MEIKIN: variants seen among roughly 807,000 people sequenced by gnomAD.
MEIKIN encodes meiosis-specific kinetochore protein.
intron 12 of MEIKIN, among the ~76,000 whole-genome samples, chr5:131,818,255 C>A (rs544897388): frequency 6.6e-6 from 1 of 152,190 alleles, no homozygotes; most frequent in African/African-American, 2.4e-5. Flanking sequence ...AATAATGCTA[C>A]TAAAATTGAA....
intron 9 of MEIKIN, among the ~76,000 whole-genome samples, chr5:131,855,325 T>C (rs1561733756): frequency 1.3e-5 from 2 of 152,318 alleles, no homozygotes; most frequent in East Asian, 1.9e-4. Flanking sequence ...TGTATATAGA[T>C]ACTTTCATTT....
At chr5:131,839,973 T>C (rs995981101) in intron 11 of MEIKIN, among the ~76,000 whole-genome samples, 9 of 152,258 alleles carry the variant, frequency 5.9e-5, no homozygotes, top group African/African-American at 1.2e-4. Context: ...GTGTGTTTCA[T>C]AGTGGCTGGT....
At chr5:131,807,382 GC>G (rs1360937647) in intron 12 of MEIKIN, 124 bp from the exon 13 acceptor site, 3 of 393,678 alleles carry the variant, frequency 7.6e-6, no homozygotes, top group Non-Finnish European at 8.9e-6. Flanking sequence ...AGCCCATCAA[GC>G]CTTAGGAAAC....
At chr5:131,850,450 T>C (rs1750092656) in intron 11 of MEIKIN, among the ~76,000 whole-genome samples, 1 of 152,084 alleles carries the variant, frequency 6.6e-6, no homozygotes, top group Admixed American at 6.6e-5. Flanking sequence ...GCTACAGTAA[T>C]CAAAGCCATA....
At chr5:131,814,211 A>G in intron 12 of MEIKIN, among the ~76,000 whole-genome samples, 1 of 151,966 alleles carries the variant, frequency 6.6e-6, no homozygotes, top group East Asian at 1.9e-4. Context: ...CTTTAATTCA[A>G]TCAAGTTGAC....
chr5:131,824,494 T>G (rs13174385), intron 11 of MEIKIN, among the ~76,000 whole-genome samples: 96,297 of 151,534 alleles, frequency 0.64, 32,502 homozygotes, highest in Non-Finnish European at 0.77. Context: ...CACTCCAGCC[T>G]AAGTAACAGA....
intron 6 of MEIKIN, among the ~76,000 whole-genome samples, chr5:131,918,717 T>C (rs1208360865): frequency 2.0e-5 from 3 of 152,276 alleles, no homozygotes; most frequent in African/African-American, 4.8e-5. Context: ...TTCTGGCCAA[T>C]AGACCAAAGT....
intron 8 of MEIKIN, among the ~76,000 whole-genome samples, chr5:131,897,945 C>G (rs1286609373): frequency 2.6e-5 from 4 of 152,170 alleles, no homozygotes; most frequent in African/African-American, 9.7e-5. Flanking sequence ...TGCTCTGTTG[C>G]TGGCGAGGAG....
At chr5:131,809,187 A>G (rs1193605523) in intron 12 of MEIKIN, among the ~76,000 whole-genome samples, 1 of 152,178 alleles carries the variant, frequency 6.6e-6, no homozygotes, top group Non-Finnish European at 1.5e-5. Context: ...ACCAGCAACT[A>G]TTTCTAGCAT....
chr5:131,945,655 C>T lies in MEIKIN; in HGVS notation c.-150G>A, dbSNP rs1319621397. The T allele has an allele frequency of 2.5e-6, 1 of 394,552 alleles. No individual in the cohort carries two copies. Among genetic ancestry groups the T allele is most frequent in the Non-Finnish European group, 4.5e-6 (1 of 223,636 alleles). The allele number at this position is 394,552 out of a possible 1,614,324, so 24.4% of individuals were successfully genotyped here. A position where few individuals can be genotyped will look rare whatever the true frequency, so the allele number is the denominator to read the frequency against. On this transcript the variant is annotated 5_prime_UTR_variant, in exon 1 of 13. Transcript: ENST00000442687. ...CAACTAATCGAGCGAAAGCAAAAGC[C>T]CCAGAACTGGAGCCGCCGGGCCTCG...
intron 9 of MEIKIN, among the ~76,000 whole-genome samples, chr5:131,865,142 G>C (rs567136563): frequency 1.7e-4 from 26 of 150,024 alleles, no homozygotes; most frequent in Admixed American, 1.5e-3. Flanking sequence ...TGATTTCTTT[G>C]TATTGTTTTT....
rs546243260 is a variant in MEIKIN, at chr5:131,900,703, T to C, written c.703+11112A>G. On this transcript the variant is annotated intron_variant, in intron 8 of 12. Coordinates refer to ENST00000442687, the MANE Select transcript of MEIKIN (RefSeq NM_001303622.2). Reference sequence around the variant, plus strand: ...CTGGTCTACCTGGTCACCTCTTGGTTGGCCTGCCTATCCTGGGGATCCAGC... The same window carrying C: ...CTGGTCTACCTGGTCACCTCTTGGTCGGCCTGCCTATCCTGGGGATCCAGC... Among the ~76,000 whole-genome samples the C allele has an allele frequency of 4.6e-5, 7 of 152,246 alleles. No individual in the cohort carries two copies. In the East Asian group the frequency reaches 1.4e-3, roughly 29 times the overall value.
At chr5:131,904,998 T>C (rs1292162321) in intron 8 of MEIKIN, among the ~76,000 whole-genome samples, 1 of 151,650 alleles carries the variant, frequency 6.6e-6, no homozygotes, top group Non-Finnish European at 1.5e-5. Context: ...GGTTGGAGGA[T>C]AGGGGAGGAA....
chr5:131,929,484 A>AT (rs1167838195), intron 5 of MEIKIN, among the ~76,000 whole-genome samples: 1 of 151,998 alleles, frequency 6.6e-6, no homozygotes, highest in Admixed American at 6.6e-5. Context: ...CAATCTTTTC[A>AT]TTCTTTTTTC....
intron 11 of MEIKIN, among the ~76,000 whole-genome samples, chr5:131,829,844 G>C (rs879677673): frequency 1.3e-5 from 2 of 152,168 alleles, no homozygotes; most frequent in Non-Finnish European, 2.9e-5. Context: ...ATAGAAGAAA[G>C]TGCCTCCCCT....
chr5:131,826,346 A>G (rs1347422505), intron 11 of MEIKIN, among the ~76,000 whole-genome samples: 1 of 152,184 alleles, frequency 6.6e-6, no homozygotes, highest in Non-Finnish European at 1.5e-5. Flanking sequence ...AAATAATAGC[A>G]ATAATGCTGA....
At chr5:131,884,993 G>T (rs1273972558) in intron 8 of MEIKIN, among the ~76,000 whole-genome samples, 1 of 150,280 alleles carries the variant, frequency 6.7e-6, no homozygotes, top group Non-Finnish European at 1.5e-5. Context: ...CATGGTATGA[G>T]TGCCAGCTCA....
At chr5:131,815,893 G>C (rs1307119577) in intron 12 of MEIKIN, among the ~76,000 whole-genome samples, 2 of 152,208 alleles carry the variant, frequency 1.3e-5, no homozygotes, top group Non-Finnish European at 2.9e-5. Context: ...AATATGGCAT[G>C]GGTAATAGAA....
chr5:131,853,589 AATT>A (rs1750149107), intron 10 of MEIKIN, among the ~76,000 whole-genome samples: 1 of 152,238 alleles, frequency 6.6e-6, no homozygotes, highest in African/African-American at 2.4e-5. Flanking sequence ...GAAGGGGGCA[AATT>A]ATTTGTAAAT....
Sources: allele counts gnomAD v4.1 joint callset (sites outside exome capture counted in the v4.1 genomes callset), GRCh38; gene constraint gnomAD v4.1.1; transcripts MANE v1.5; gene names NCBI Gene and HGNC (gene_info 2026-07-23, HGNC 2026-07-21).